Variants in DENND1B observed in about 807,000 individuals in gnomAD.
DENND1B encodes the protein DENN domain containing 1B, also known as DENN domain-containing protein 1B.
DENND1B carries 59 observed loss-of-function variants against 90.1 expected under a neutral mutation model. The observed-to-expected ratio is 0.65, with a 90% CI of 0.53 to 0.81. The LOEUF is 0.81. DENND1B is among the 40% of genes least tolerant of loss of function. The pLI, the probability that DENND1B is intolerant of heterozygous loss-of-function variation, is 0.00. For synonymous variants in DENND1B, 337 were observed against 324.6 expected, an observed-to-expected ratio of 1.04 and a Z score of -0.41; for missense variants, 862 against 912.6, an observed-to-expected ratio of 0.94 and a Z score of 0.71.
At chr1:197,746,191 A>C (rs1200689592) in intron 2 of DENND1B, among the ~76,000 whole-genome samples, 1 of 152,154 alleles carries the variant, frequency 6.6e-6, no homozygotes, top group Non-Finnish European at 1.5e-5. Flanking sequence ...CAGGAGTTCA[A>C]GACCAACCTA....
intron 21 of DENND1B, among the ~76,000 whole-genome samples, chr1:197,512,553 T>C (rs1011359219): frequency 6.6e-6 from 1 of 151,684 alleles, no homozygotes; most frequent in Non-Finnish European, 1.5e-5. Context: ...TCACCATTCC[T>C]GATATTTAAC....
At position 197,507,053 on chromosome 1, in the gene DENND1B, C is replaced by T. The variant is rs1021471915; in HGVS notation, c.*3407G>A. ...ATTAGAAATGATACTATGGTTCATACTTAGAGCATGCTTTAAATTAAGCAG... is the reference window on the plus strand; with the variant it reads ...ATTAGAAATGATACTATGGTTCATATTTAGAGCATGCTTTAAATTAAGCAG... On this transcript the variant is annotated 3_prime_UTR_variant, in exon 23 of 23. Coordinates refer to ENST00000620048, the MANE Select transcript of DENND1B (RefSeq NM_001195215.2). 6.6e-6 allele frequency: 1 copy of T among 150,982 alleles called. No individual in the cohort carries two copies. 9.4% of individuals were successfully genotyped at this position (150,982 alleles called of 1,614,324 possible). A position where few individuals can be genotyped will look rare whatever the true frequency, so the allele number is the denominator to read the frequency against.
intron 5 of DENND1B, among the ~76,000 whole-genome samples, chr1:197,668,235 G>C (rs1485256557): frequency 2.6e-5 from 4 of 152,002 alleles, no homozygotes; most frequent in Non-Finnish European, 5.9e-5. Flanking sequence ...AGCAAAAACT[G>C]TTGCTGCATT....
At chr1:197,576,404 C>T (rs1230248020) in intron 15 of DENND1B, among the ~76,000 whole-genome samples, 1 of 152,104 alleles carries the variant, frequency 6.6e-6, no homozygotes, top group Non-Finnish European at 1.5e-5. Flanking sequence ...GGATTCCAAG[C>T]CAATATTCTT....
At chr1:197,672,287 CT>C in intron 4 of DENND1B, 131 bp from the exon 5 acceptor site, 8 of 1,118,064 alleles carry the variant, frequency 7.2e-6, no homozygotes, top group Non-Finnish European at 9.9e-6. Context: ...GAAGCTAGAA[CT>C]ATGTTCTAAA....
chr1:197,747,110 C>A (rs1558473991), intron 2 of DENND1B: 8 of 772,148 alleles, frequency 1.0e-5, no homozygotes, highest in Non-Finnish European at 1.6e-5. Flanking sequence ...CTGTGAGATT[C>A]TTTTTCATTC....
intron 15 of DENND1B, among the ~76,000 whole-genome samples, chr1:197,571,252 A>T (rs1673128418): frequency 6.6e-6 from 1 of 152,210 alleles, no homozygotes; most frequent in African/African-American, 2.4e-5. Context: ...ATCATGTGCC[A>T]GCTAAAACTT....
At chr1:197,659,463 A>T (rs911989786) in intron 5 of DENND1B, among the ~76,000 whole-genome samples, 3 of 152,014 alleles carry the variant, frequency 2.0e-5, no homozygotes, top group African/African-American at 7.2e-5. Context: ...ATACTACGTA[A>T]TGATATGAAA....
intron 10 of DENND1B, among the ~76,000 whole-genome samples, chr1:197,638,379 G>C (rs1440977025): frequency 6.6e-6 from 1 of 152,140 alleles, no homozygotes; most frequent in Non-Finnish European, 1.5e-5. Context: ...GCTTTTAAAA[G>C]AAGCATCCCT....
Position 197,508,466 on chromosome 1 carries a change from A to C in DENND1B, c.*1994T>G, listed in dbSNP as rs1169643931. ...GATTAAACATTGTTTTCCTTAATGT[A>C]TACAGTCCATACTTATAAGGGAAAC... On this transcript the variant is annotated 3_prime_UTR_variant, in exon 23 of 23. Coordinates refer to ENST00000620048, the MANE Select transcript of DENND1B (RefSeq NM_001195215.2). 1 of 151,750 alleles carries C rather than the reference A, an allele frequency of 6.6e-6. No homozygotes were observed. The highest frequency in any genetic ancestry group is 1.5e-5 in the Non-Finnish European group (1 of 67,810). 9.4% of individuals were successfully genotyped at this position (151,750 alleles called of 1,614,324 possible).
intron 2 of DENND1B, among the ~76,000 whole-genome samples, chr1:197,755,346 C>T (rs1339895761): frequency 6.6e-6 from 1 of 151,688 alleles, no homozygotes; most frequent in African/African-American, 2.4e-5. Flanking sequence ...ACTTTCTCAA[C>T]ATACTTTCTA....
chr1:197,634,824 T>C (rs191644065), intron 10 of DENND1B, among the ~76,000 whole-genome samples: 33 of 152,222 alleles, frequency 2.2e-4, no homozygotes, highest in Admixed American at 1.9e-3. Context: ...CTCCCGTCTC[T>C]ACAAAAAAAT....
At chr1:197,552,946 T>C in intron 16 of DENND1B, 76 bp downstream of exon 16, 1 of 1,540,308 alleles carries the variant, frequency 6.5e-7, no homozygotes, top group Non-Finnish European at 8.6e-7. Flanking sequence ...TGAAATAGGT[T>C]TTATCAGACA....
At chr1:197,628,083 GA>G (rs1238073698) in intron 10 of DENND1B, among the ~76,000 whole-genome samples, 1 of 152,132 alleles carries the variant, frequency 6.6e-6, no homozygotes, top group Non-Finnish European at 1.5e-5. Flanking sequence ...TCAATATCAT[GA>G]AAATGGCCAT....
chr1:197,517,769 G>T (rs1668500386), intron 20 of DENND1B, among the ~76,000 whole-genome samples: 1 of 151,808 alleles, frequency 6.6e-6, no homozygotes, highest in South Asian at 2.1e-4. Flanking sequence ...AGCCTCTCTG[G>T]AGGCTTCACC....
chr1:197,748,189 C>T (rs1652959635), intron 2 of DENND1B, among the ~76,000 whole-genome samples: 1 of 136,728 alleles, frequency 7.3e-6, no homozygotes, highest in African/African-American at 2.7e-5. Flanking sequence ...TTCAAACGGT[C>T]AATAATATGA....
chr1:197,724,096 C>T (rs933910194), intron 2 of DENND1B, among the ~76,000 whole-genome samples: 4 of 152,036 alleles, frequency 2.6e-5, no homozygotes, highest in African/African-American at 9.7e-5. Context: ...GTCTGAAGTA[C>T]AGTAAACTTC....
upstream of DENND1B, among the ~76,000 whole-genome samples, chr1:197,779,059 A>G (rs1298779568): frequency 1.3e-5 from 2 of 152,164 alleles, no homozygotes; most frequent in Non-Finnish European, 2.9e-5. Flanking sequence ...ATTTACTCAG[A>G]ACTTTACCAT....
At position 197,707,604 on chromosome 1, in the gene DENND1B, CAT is replaced by C. The variant is rs530434941; in HGVS notation, c.126+7425_126+7426del. Among the ~76,000 whole-genome samples, 987 of 145,160 alleles carry C rather than the reference CAT, an allele frequency of 6.8e-3. 7 individuals are homozygous for C. Among genetic ancestry groups the C allele is most frequent in the African/African-American group, 0.02 (797 of 39,694 alleles). On this transcript the variant is annotated intron_variant, in intron 3 of 22. Coordinates refer to ENST00000620048, the MANE Select transcript of DENND1B (RefSeq NM_001195215.2). ...TATATTTATATACATATATTATATA[CAT>C]ATATATACATATATAATATAATACA...
Sources: gnomAD v4.1 joint callset for allele counts (sites outside exome capture counted in the v4.1 genomes callset) on GRCh38, gnomAD v4.1.1 for gene constraint, MANE v1.5 for transcripts, NCBI Gene and HGNC (gene_info 2026-07-23, HGNC 2026-07-21) for gene names.